The following ARMH4 variants were observed in gnomAD, a reference collection of about 807,000 sequenced individuals.
ARMH4 encodes armadillo like helical domain containing 4.
A neutral mutation model predicts 61.9 loss-of-function variants in ARMH4; 49 were observed. The ratio of observed to expected loss-of-function variants is 0.79; its 90% CI spans 0.63 to 1.00. The LOEUF (loss-of-function observed/expected upper bound fraction) is 1.00. Among genes scored for constraint, ARMH4 ranks in the 50% least tolerant of loss-of-function variants. The pLI is 0.00. For missense variants in ARMH4, 934 were observed against 930.0 expected, an observed-to-expected ratio of 1.00 and a Z score of -0.06; for synonymous variants, 368 against 341.5, an observed-to-expected ratio of 1.08 and a Z score of -0.85.
intron 4 of ARMH4, among the ~76,000 whole-genome samples, chr14:58,118,942 G>T (rs1348748221): frequency 1.3e-5 from 2 of 152,176 alleles, no homozygotes; most frequent in Admixed American, 1.3e-4. Context: ...AGCAGCACCA[G>T]GCTCCTGCCC....
intron 4 of ARMH4, among the ~76,000 whole-genome samples, chr14:58,115,895 T>G (rs1886501202): frequency 6.6e-6 from 1 of 152,010 alleles, no homozygotes; most frequent in South Asian, 2.1e-4. Flanking sequence ...CAACAGACAC[T>G]GGGGCCTACT....
intron 5 of ARMH4, among the ~76,000 whole-genome samples, chr14:58,032,173 G>C (rs1883264126): frequency 6.6e-6 from 1 of 152,116 alleles, no homozygotes; most frequent in South Asian, 2.1e-4. Context: ...CTCATCTGGA[G>C]AACCCAGATG....
chr14:58,084,901 A>G (rs1050428157), intron 5 of ARMH4, among the ~76,000 whole-genome samples: 7 of 152,254 alleles, frequency 4.6e-5, no homozygotes, highest in African/African-American at 1.7e-4. Context: ...CCCTGTGGCC[A>G]TTAATTCTCA....
chr14:58,138,216 T>C lies in ARMH4; in HGVS notation c.1143A>G (p.Leu381=), dbSNP rs1447681218. 6.2e-7 allele frequency: 1 copy of C among 1,614,066 alleles called. No homozygotes were observed. Among genetic ancestry groups the C allele is most frequent in the Non-Finnish European group, 8.5e-7 (1 of 1,180,030 alleles). ...GTGATCTCTCATTCCCATGCGCTAT[T>C]AGCAGGGCTGTGCCCGTGTGTGTTT... The part of the protein sequence containing the change: ...EGETHTGTAL[L]IAHGNERSPA... Residue 381 remains leucine, a synonymous_variant, in exon 2 of 8, where the codon CTA becomes CTG. Transcript: ENST00000267485.
At chr14:58,132,971 G>A in intron 3 of ARMH4, 119 bp downstream of exon 3, 6 of 984,676 alleles carry the variant, frequency 6.1e-6, no homozygotes, top group Non-Finnish European at 9.3e-6. Flanking sequence ...GTGTGTGTGT[G>A]TACGTGCACG....
chr14:58,040,884 T>G (rs966880908), intron 5 of ARMH4, among the ~76,000 whole-genome samples: 1 of 152,210 alleles, frequency 6.6e-6, no homozygotes, highest in Non-Finnish European at 1.5e-5. Flanking sequence ...TAAGGGAGAA[T>G]GCCCTCTGCA....
At chr14:58,019,553 G>A (rs1882739678) in intron 5 of ARMH4, among the ~76,000 whole-genome samples, 1 of 152,108 alleles carries the variant, frequency 6.6e-6, no homozygotes, top group South Asian at 2.1e-4. Context: ...AAAAACGTGT[G>A]AAGATCGAAG....
chr14:58,152,165 C>CGGCGGT lies in ARMH4; in HGVS notation c.-153_-148dup, dbSNP rs1243414779. ...CCAGCGGCGGGCCCTGCGGCGGCGGCGGCGGTAGCGGCGGCGACTCCCTCC... is the reference window on the plus strand; with the variant it reads ...CCAGCGGCGGGCCCTGCGGCGGCGGCGGCGGTGGCGGTAGCGGCGGCGACTCCCTCC... On this transcript the variant is annotated 5_prime_UTR_variant, in exon 1 of 8. Transcript: ENST00000267485. The CGGCGGT allele has an allele frequency of 1.2e-5, 2 of 160,604 alleles. No homozygotes were observed. The highest frequency in any genetic ancestry group is 6.5e-5 in the Admixed American group (1 of 15,330). The allele number at this position is 160,604 out of a possible 1,614,324, so 9.9% of individuals were successfully genotyped here. A position where few individuals can be genotyped will look rare whatever the true frequency, so the allele number is the denominator to read the frequency against.
chr14:58,145,282 C>G (rs1424284075), intron 1 of ARMH4, among the ~76,000 whole-genome samples: 1 of 152,178 alleles, frequency 6.6e-6, no homozygotes, highest in African/African-American at 2.4e-5. Context: ...TCAGTTTCTC[C>G]TTTGACAAAA....
intron 4 of ARMH4, among the ~76,000 whole-genome samples, chr14:58,097,422 G>A (rs1000658626): frequency 2.6e-5 from 4 of 152,166 alleles, no homozygotes; most frequent in African/African-American, 9.7e-5. Flanking sequence ...TTTTGGCACA[G>A]CTTTTTCTAT....
At chr14:58,066,655 G>T (rs533956782) in intron 5 of ARMH4, among the ~76,000 whole-genome samples, 3 of 152,104 alleles carry the variant, frequency 2.0e-5, no homozygotes, top group African/African-American at 4.8e-5. Flanking sequence ...TGAAGAGTTC[G>T]GAGAAACGTT....
chr14:58,132,802 G>T (rs1198996164), intron 3 of ARMH4, among the ~76,000 whole-genome samples: 1 of 151,818 alleles, frequency 6.6e-6, no homozygotes, highest in Non-Finnish European at 1.5e-5. Context: ...GGCCAGGATG[G>T]TCTCAATCTC....
At chr14:58,150,798 C>G (rs549589338) in intron 1 of ARMH4, among the ~76,000 whole-genome samples, 27 of 152,150 alleles carry the variant, frequency 1.8e-4, no homozygotes, top group Middle Eastern at 6.8e-3. Flanking sequence ...ACCTTTAAAC[C>G]TCTGTGTGTA....
intron 5 of ARMH4, among the ~76,000 whole-genome samples, chr14:58,056,278 C>A (rs1179649586): frequency 6.6e-6 from 1 of 152,206 alleles, no homozygotes; most frequent in Non-Finnish European, 1.5e-5. Context: ...TTCTGCAGTA[C>A]TTCATATCTA....
chr14:58,076,625 T>C (rs376668802), intron 5 of ARMH4, among the ~76,000 whole-genome samples: 1 of 152,138 alleles, frequency 6.6e-6, no homozygotes, highest in African/African-American at 2.4e-5. Context: ...TTTTATTATA[T>C]GTAAATTATA....
chr14:58,120,384 G>C (rs2141303350), intron 4 of ARMH4, among the ~76,000 whole-genome samples: 1 of 151,846 alleles, frequency 6.6e-6, no homozygotes, highest in Non-Finnish European at 1.5e-5. Flanking sequence ...AAGACACACA[G>C]GGGTATACAC....
chr14:58,034,438 G>T lies in ARMH4; in HGVS notation c.2090-22288C>A, dbSNP rs955425202. On this transcript the variant is annotated intron_variant, in intron 5 of 7. Transcript: ENST00000267485. ...TGGAAAGGAACAACCGGTACCAGCT[G>T]CTGCAAAATCATGCCAAAATGTAAA... Among the ~76,000 whole-genome samples, 503 of 126,284 alleles carry T rather than the reference G, an allele frequency of 4.0e-3. 42 individuals are homozygous for T. Among genetic ancestry groups the T allele is most frequent in the African/African-American group, 0.014 (489 of 33,766 alleles). The allele number at this position is 126,284 out of a possible 152,430, so 82.8% of individuals were successfully genotyped here.
intron 5 of ARMH4, among the ~76,000 whole-genome samples, chr14:58,080,885 T>C (rs1307880822): frequency 6.6e-6 from 1 of 152,132 alleles, no homozygotes; most frequent in Non-Finnish European, 1.5e-5. Context: ...GCAGATCACT[T>C]GAGGCCAGGA....
At chr14:58,043,601 C>A (rs1011067375) in intron 5 of ARMH4, among the ~76,000 whole-genome samples, 2 of 152,058 alleles carry the variant, frequency 1.3e-5, no homozygotes, top group African/African-American at 4.8e-5. Flanking sequence ...GAAGTTCTGG[C>A]CAGGGCAATT....
Sources: gnomAD v4.1 joint callset for allele counts (sites outside exome capture counted in the v4.1 genomes callset) on GRCh38, gnomAD v4.1.1 for gene constraint, MANE v1.5 for transcripts, NCBI Gene and HGNC (gene_info 2026-07-23, HGNC 2026-07-21) for gene names.